Variants in GPM6B observed in about 807,000 individuals in gnomAD.
GPM6B encodes glycoprotein M6B.
In GPM6B, 4 loss-of-function variants were observed where a neutral mutation model predicts 27.2. That is an observed-to-expected ratio of 0.15 (90% confidence interval 0.07 to 0.34). The LOEUF is 0.34. Among genes scored for constraint, GPM6B ranks in the 10% least tolerant of loss-of-function variants. GPM6B has a pLI of 1.00. For missense variants in GPM6B, 183 were observed against 261.9 expected (o/e 0.70, Z 2.08); for synonymous variants, 124 against 103.1 (o/e 1.20, Z -1.23).
chrX:13,889,813 C>T (rs1162785204), intron 1 of GPM6B, among the ~76,000 whole-genome samples: 1 of 108,768 alleles, frequency 9.2e-6, no homozygotes, highest in Admixed American at 9.8e-5. Flanking sequence ...ACTCCCCATT[C>T]CCCCTGCCAA....
At chrX:13,773,953 C>CAT (rs1491483278) in intron 7 of GPM6B, 1 of 424,731 alleles carries the variant, frequency 2.4e-6, no homozygotes, top group Non-Finnish European at 2.7e-6. Flanking sequence ...CATATAAATC[C>CAT]TTTTTTTTTT....
At position 13,937,580 on chromosome X, in the gene GPM6B, G is replaced by GA. The variant is rs1224045818; in HGVS notation, c.-198+746dup. ...AGAGAAAGATAACGGAGCAGGAGGA[G>GA]AAAAACCCTTTCCCAAGCACAGCTG... On this transcript the variant is annotated intron_variant, in intron 1 of 6. Transcript: ENST00000398361. Among the ~76,000 whole-genome samples, 11 of 111,473 alleles carry GA rather than the reference G, an allele frequency of 9.9e-5. 1 individual carries two copies. The highest frequency in any genetic ancestry group is 2.1e-4 in the Non-Finnish European group (11 of 53,076).
intron 1 of GPM6B, among the ~76,000 whole-genome samples, chrX:13,898,690 C>A (rs1247295904): frequency 1.8e-5 from 2 of 112,515 alleles, no homozygotes; most frequent in Non-Finnish European, 1.9e-5. Flanking sequence ...CCATTGATTT[C>A]TTTCCATTTA....
chrX:13,870,998 T>C lies in GPM6B; in HGVS notation c.-198+67329A>G, dbSNP rs918349867. Among the ~76,000 whole-genome samples the C allele has an allele frequency of 8.2e-5, 9 of 110,057 alleles. No homozygotes were observed. In the East Asian group the frequency reaches 1.4e-3, roughly 17 times the overall value. On this transcript the variant is annotated intron_variant, in intron 1 of 6. Transcript: ENST00000398361. ...AAGTAGATCACTTGGGCCCAGGAGGTTGAAGCTGCAGTGAGCCATGATCAC... is the reference window on the plus strand; with the variant it reads ...AAGTAGATCACTTGGGCCCAGGAGGCTGAAGCTGCAGTGAGCCATGATCAC...
At chrX:13,837,743 G>A (rs1332540084) in intron 1 of GPM6B, among the ~76,000 whole-genome samples, 13 of 60,095 alleles carry the variant, frequency 2.2e-4, no homozygotes, top group African/African-American at 7.9e-4. Flanking sequence ...AGAGGGGAAA[G>A]CAAAGCTGCG....
intron 2 of GPM6B, among the ~76,000 whole-genome samples, chrX:13,802,206 C>CTACTTCTCAA (rs2048932581): frequency 1.8e-5 from 2 of 111,051 alleles, no homozygotes; most frequent in African/African-American, 6.6e-5. Context: ...CAGCAAAGAC[C>CTACTTCTCAA]AGATGACACT....
At chrX:13,873,697 T>C (rs2050003804) in intron 1 of GPM6B, among the ~76,000 whole-genome samples, 1 of 111,966 alleles carries the variant, frequency 8.9e-6, no homozygotes, top group Admixed American at 9.5e-5. Flanking sequence ...CCAGTGACAC[T>C]GATTATGAAT....
At chrX:13,924,461 G>A (rs1394557052) in intron 1 of GPM6B, among the ~76,000 whole-genome samples, 2 of 109,823 alleles carry the variant, frequency 1.8e-5, no homozygotes, top group Non-Finnish European at 3.8e-5. Context: ...CACCGGCCAG[G>A]CTAATTTTTA....
At chrX:13,839,133 T>A (rs758641888) in intron 1 of GPM6B, among the ~76,000 whole-genome samples, 3 of 111,779 alleles carry the variant, frequency 2.7e-5, no homozygotes, top group Admixed American at 1.9e-4. Flanking sequence ...TTCATCTATA[T>A]AAGAAGAACC....
chrX:13,870,454 T>C (rs1029453601), intron 1 of GPM6B, among the ~76,000 whole-genome samples: 1 of 112,102 alleles, frequency 8.9e-6, no homozygotes, highest in African/African-American at 3.2e-5. Flanking sequence ...CCCCAGGAGG[T>C]TCTGATAGTG....
chrX:13,834,300 T>C (rs778502597), intron 1 of GPM6B, among the ~76,000 whole-genome samples: 10 of 112,642 alleles, frequency 8.9e-5, no homozygotes, highest in African/African-American at 2.9e-4. Context: ...CTACAATATA[T>C]TCACTAGGCA....
In GPM6B at chrX:13,800,954, T is replaced by G. The variant is rs771336643; in HGVS notation, c.181+6696A>C. 3.7e-5 allele frequency among the ~76,000 whole-genome samples: 4 copies of G among 109,178 alleles called. No individual in the cohort carries two copies. In the South Asian group the frequency reaches 1.6e-3, roughly 44 times the overall value. 94.8% of individuals were successfully genotyped at this position (109,178 alleles called of 115,157 possible). On this transcript the variant is annotated intron_variant, in intron 2 of 7. Coordinates refer to ENST00000316715, the MANE Select transcript of GPM6B (RefSeq NM_001001995.3). ...CCTCCCAAGTAGCTGGGACTACAGA[T>G]GTGTGCCACCATGCCCATATGAAAT... is the stretch of plus-strand genomic sequence containing the variant.
intron 1 of GPM6B, among the ~76,000 whole-genome samples, chrX:13,844,998 T>C (rs999309594): frequency 1.9e-5 from 2 of 107,388 alleles, no homozygotes; most frequent in African/African-American, 6.8e-5. Context: ...TTTTCTTTTT[T>C]TTTTTTTTTG....
At chrX:13,778,896 T>C (rs1460560455) in intron 5 of GPM6B, among the ~76,000 whole-genome samples, 1 of 111,961 alleles carries the variant, frequency 8.9e-6, no homozygotes, top group East Asian at 2.8e-4. Context: ...TTCAAGCAAA[T>C]TTAGTATTAT....
intron 2 of GPM6B, among the ~76,000 whole-genome samples, chrX:13,793,326 C>T (rs1372447031): frequency 9.0e-6 from 1 of 111,422 alleles, no homozygotes; most frequent in South Asian, 3.8e-4. Context: ...CCAGATTGAA[C>T]CAATGTACAT....
chrX:13,886,606 G>A (rs748233032), intron 1 of GPM6B, among the ~76,000 whole-genome samples: 165 of 104,373 alleles, frequency 1.6e-3, no homozygotes, highest in Admixed American at 7.0e-3. Flanking sequence ...CTAAGCAGTC[G>A]TTCTTCTGCT....
At chrX:13,884,122 G>A (rs2050111885) in intron 1 of GPM6B, among the ~76,000 whole-genome samples, 1 of 111,450 alleles carries the variant, frequency 9.0e-6, no homozygotes, top group Non-Finnish European at 1.9e-5. Context: ...AGGTTGCGGT[G>A]AGCCGAGATC....
At chrX:13,802,917 G>A (rs752650075) in intron 2 of GPM6B, among the ~76,000 whole-genome samples, 4 of 111,732 alleles carry the variant, frequency 3.6e-5, no homozygotes, top group Non-Finnish European at 5.6e-5. Flanking sequence ...CACACGGCAC[G>A]ACCAGACTGT....
chrX:13,804,010 T>TA (rs1300471237), intron 2 of GPM6B, among the ~76,000 whole-genome samples: 8 of 112,184 alleles, frequency 7.1e-5, no homozygotes, highest in African/African-American at 2.3e-4. Flanking sequence ...TAAATTCACA[T>TA]AATCAATTCC....
Sources: gnomAD v4.1 joint callset for allele counts (sites outside exome capture counted in the v4.1 genomes callset) on GRCh38, gnomAD v4.1.1 for gene constraint, MANE v1.5 for transcripts, NCBI Gene and HGNC (gene_info 2026-07-23, HGNC 2026-07-21) for gene names.